SPATA13: variants seen among roughly 807,000 people sequenced by gnomAD.
The protein encoded by SPATA13 is spermatogenesis associated 13.
In SPATA13, 50 loss-of-function variants were observed where a neutral mutation model predicts 104.0. The observed-to-expected ratio is 0.48, with a 90% CI of 0.38 to 0.61. The LOEUF is 0.61. Ranked by LOEUF, SPATA13 falls within the 20% of genes least tolerant of loss-of-function variation. SPATA13 has a pLI of 0.00. For missense variants in SPATA13, 1,524 were observed against 1,690.6 expected, an observed-to-expected ratio of 0.90 and a Z score of 1.73; for synonymous variants, 606 against 667.5, an observed-to-expected ratio of 0.91 and a Z score of 1.42.
chr13:24,085,265 G>C (rs1384568396), intron 3 of SPATA13, among the ~76,000 whole-genome samples: 1 of 152,138 alleles, frequency 6.6e-6, no homozygotes, highest in African/African-American at 2.4e-5. Flanking sequence ...TGGGACTACA[G>C]GCAGGTGCCT....
intron 3 of SPATA13, among the ~76,000 whole-genome samples, chr13:24,110,113 T>C (rs1251375716): frequency 6.6e-6 from 1 of 151,464 alleles, no homozygotes; most frequent in Non-Finnish European, 1.5e-5. Context: ...ACTCCAGCTA[T>C]AGGGTAAATA....
intron 3 of SPATA13, among the ~76,000 whole-genome samples, chr13:24,115,054 G>T (rs190438610): frequency 6.6e-6 from 1 of 152,194 alleles, no homozygotes; most frequent in Non-Finnish European, 1.5e-5. Context: ...AGGAGACAAG[G>T]TTTCTTGTTT....
rs549905892 is a variant in SPATA13 at position 24,295,205 on chromosome 13, G to C, written c.3210+337G>C. On this transcript the variant is annotated intron_variant, in intron 10 of 12. Coordinates refer to ENST00000382108, the MANE Select transcript of SPATA13 (RefSeq NM_001166271.3). ...TAGTAGTAGAAGTATGGGGGACTCT[G>C]GAGTCCCTGCCCACATGTGAATCCT... 7.9e-5 allele frequency among the ~76,000 whole-genome samples: 12 copies of C among 152,214 alleles called. No individual in the cohort carries two copies. The South Asian group carries it at 2.3e-3, about 29-fold the overall frequency.
chr13:24,047,159 A>G (rs142438148), intron 3 of SPATA13, among the ~76,000 whole-genome samples: 16 of 152,334 alleles, frequency 1.1e-4, no homozygotes, highest in Non-Finnish European at 2.2e-4. Flanking sequence ...GTCACGGGTC[A>G]GGTGCAGTCA....
chr13:23,989,617 A>C (rs548060875), intron 2 of SPATA13, among the ~76,000 whole-genome samples: 1 of 152,318 alleles, frequency 6.6e-6, no homozygotes, highest in African/African-American at 2.4e-5. Flanking sequence ...TGACCCACAG[A>C]GTAACGTCCC....
In SPATA13 at chr13:24,286,174, T is replaced by C. The variant is rs1043780124; in HGVS notation, c.2302-40T>C. 1 of 1,556,518 alleles carries C rather than the reference T, an allele frequency of 6.4e-7. No homozygotes were observed. On this transcript the variant is annotated intron_variant, in intron 5 of 12. Transcript: ENST00000382108. The surrounding 1 kb of genome is among the most constrained non-coding windows in gnomAD (Gnocchi z 4.9). ...GTGGCTCCCTCACCATCCCGCCCACTCGTGCTCTATGCTGAGCGCACCCCA... is the reference window on the plus strand; with the variant it reads ...GTGGCTCCCTCACCATCCCGCCCACCCGTGCTCTATGCTGAGCGCACCCCA...
chr13:24,097,955 G>A (rs191673528), intron 3 of SPATA13, among the ~76,000 whole-genome samples: 2 of 152,264 alleles, frequency 1.3e-5, no homozygotes, highest in East Asian at 3.9e-4. Context: ...CTGTGGTTTT[G>A]AATACTACAT....
At chr13:24,153,554 C>T (rs573032172) in intron 3 of SPATA13, among the ~76,000 whole-genome samples, 60 of 152,296 alleles carry the variant, frequency 3.9e-4, no homozygotes, top group Non-Finnish European at 7.3e-4. Flanking sequence ...CAGCCAAGGC[C>T]ACTTTCAACA....
intron 1 of SPATA13, 38 bp downstream of exon 1, chr13:24,160,970 C>A: frequency 1.0e-6 from 1 of 977,314 alleles, no homozygotes; most frequent in South Asian, 4.7e-5. Flanking sequence ...GCCGGGCGGG[C>A]GCGGGCATGG....
Position 24,011,775 on chromosome 13 carries a change from G to T in SPATA13, c.-146-5892G>T, listed in dbSNP as rs1278199425. Among the ~76,000 whole-genome samples the T allele has an allele frequency of 6.6e-6, 1 of 152,218 alleles. No homozygotes were observed. The highest frequency in any genetic ancestry group is 2.4e-5 in the African/African-American group (1 of 41,462). On this transcript the variant is annotated intron_variant, in intron 2 of 14. Transcript: ENST00000424834. This position sits in a 1 kb window ranked among gnomAD's most constrained non-coding sequence, Gnocchi z 4.3. ...CATAGTCTTCAGCTCTGGCCAAGCA[G>T]CCATCTGTCCAGCCTGCTGGTGCTA...
chr13:24,174,962 T>A, intron 1 of SPATA13, among the ~76,000 whole-genome samples: 1 of 152,264 alleles, frequency 6.6e-6, no homozygotes, highest in Non-Finnish European at 1.5e-5. Flanking sequence ...TGGAGATTTT[T>A]TTGTTAACTT....
At chr13:24,102,099 C>T (rs769537796) in intron 3 of SPATA13, among the ~76,000 whole-genome samples, 14 of 152,210 alleles carry the variant, frequency 9.2e-5, no homozygotes, top group Non-Finnish European at 1.8e-4. Context: ...TTCCCACTAA[C>T]AGCGCGTAGG....
At chr13:24,029,749 A>T (rs1877391077) in intron 3 of SPATA13, among the ~76,000 whole-genome samples, 1 of 151,958 alleles carries the variant, frequency 6.6e-6, no homozygotes, top group South Asian at 2.1e-4. Flanking sequence ...CCCATTAGTT[A>T]ATTTTTTGAG....
chr13:24,204,612 C>T (rs924427535), intron 1 of SPATA13, among the ~76,000 whole-genome samples: 1 of 152,138 alleles, frequency 6.6e-6, no homozygotes, highest in Non-Finnish European at 1.5e-5. Context: ...TTCTCCTCCT[C>T]CTCCCAGACC....
At chr13:24,238,142 T>TC (rs1469088777) in intron 2 of SPATA13, among the ~76,000 whole-genome samples, 1 of 59,846 alleles carries the variant, frequency 1.7e-5, no homozygotes, top group African/African-American at 5.0e-5. Context: ...CTTTTTTTTT[T>TC]TTTTTTTTTT....
At chr13:24,071,426 T>C (rs961258283) in intron 3 of SPATA13, among the ~76,000 whole-genome samples, 21 of 152,260 alleles carry the variant, frequency 1.4e-4, no homozygotes, top group African/African-American at 3.6e-4. Context: ...TTTATCTGCA[T>C]TGTTGTCTTT....
intron 2 of SPATA13, among the ~76,000 whole-genome samples, chr13:24,237,561 G>A (rs1238080493): frequency 2.0e-5 from 3 of 152,230 alleles, no homozygotes; most frequent in African/African-American, 7.2e-5. Flanking sequence ...GTATTTAATG[G>A]GTTCAGAGAT....
chr13:24,278,677 A>G, intron 4 of SPATA13: 1 of 1,523,854 alleles, frequency 6.6e-7, no homozygotes, highest in Non-Finnish European at 8.8e-7. Flanking sequence ...GTACTTGTTC[A>G]GAATGTATAA....
At chr13:24,173,394 GTGTGTGT>G (rs760445947) in intron 1 of SPATA13, among the ~76,000 whole-genome samples, 1 of 150,744 alleles carries the variant, frequency 6.6e-6, no homozygotes, top group East Asian at 2.0e-4. Context: ...GTGTGTGTGT[GTGTGTGT>G]GGTAGATTTC....
Sources: allele counts gnomAD v4.1 joint callset (sites outside exome capture counted in the v4.1 genomes callset), GRCh38; gene constraint gnomAD v4.1.1; non-coding constraint Gnocchi (gnomAD v3.1); transcripts MANE v1.5; gene names NCBI Gene and HGNC (gene_info 2026-07-23, HGNC 2026-07-21).